The following SACS variants were observed in gnomAD, a reference collection of about 807,000 sequenced individuals.
SACS encodes the protein sacsin.
SACS carries 197 observed loss-of-function variants against 348.0 expected under a neutral mutation model. The ratio of observed to expected loss-of-function variants is 0.57; its 90% CI spans 0.50 to 0.64. SACS has a LOEUF of 0.64. SACS is among the 30% of genes least tolerant of loss of function. The pLI, the probability that SACS is intolerant of heterozygous loss-of-function variation, is 0.00. For missense variants in SACS, 4,999 were observed against 5,360.8 expected, an observed-to-expected ratio of 0.93 and a Z score of 2.11; for synonymous variants, 1,985 against 1,910.6, an observed-to-expected ratio of 1.04 and a Z score of -1.02.
At chr13:23,404,223 TG>T (rs1271370427) in intron 2 of SACS, among the ~76,000 whole-genome samples, 1 of 152,194 alleles carries the variant, frequency 6.6e-6, no homozygotes, top group Non-Finnish European at 1.5e-5. Context: ...TCTGTTGCTT[TG>T]GGGTGGAGAG....
At position 23,337,464 on chromosome 13, in the gene SACS, C is replaced by A; in HGVS notation, c.6412G>T (p.Asp2138Tyr). 6.2e-7 allele frequency: 1 copy of A among 1,613,508 alleles called. No homozygotes were observed. The highest frequency in any genetic ancestry group is 8.5e-7 in the Non-Finnish European group (1 of 1,179,786). Residue 2138 changes from aspartate to tyrosine, a missense_variant, in exon 10 of 10, where the codon GAT (aspartate) becomes TAT (tyrosine). Physicochemically the swap from Asp to Tyr is radical, Grantham distance 160 (BLOSUM62 -3). Transcript: ENST00000382292. ...DGRFPYGSTQ[D>Y]YLNPIILIKL... ...ATCAAAATAATAGGATTGAGATAAT[C>A]CTGAGTAGAACCATAAGGGAATCTC...
chr13:23,336,839 A>G lies in SACS; in HGVS notation c.7037T>C (p.Phe2346Ser). ...SIIDKLKPFSFILVENAYVDS... is the reference protein window; with the variant it reads ...SIIDKLKPFSSILVENAYVDS... ...AACATATGCATTCTCAACTAGAATG[A>G]AGCTAAAGGGTTTTAACTTATCAAT... Residue 2346 changes from phenylalanine to serine, a missense_variant, in exon 10 of 10, where the codon TTC becomes TCC. Phe to Ser is a radical substitution (Grantham distance 155). Around this residue, in one of 6 missense-constraint regions of SACS, gnomAD observed 3,156 missense variants for 3,380.1 expected, o/e 0.93. Transcript: ENST00000382292. 6.2e-7 allele frequency: 1 copy of G among 1,613,532 alleles called. No homozygotes were observed.
Position 23,338,184 on chromosome 13 carries a change from C to T in SACS, c.5692G>A (p.Glu1898Lys). 6.2e-7 allele frequency: 1 copy of T among 1,614,112 alleles called. No homozygotes were observed. Among genetic ancestry groups the T allele is most frequent in the Non-Finnish European group, 8.5e-7 (1 of 1,179,996 alleles). Residue 1898 changes from glutamate to lysine, a missense_variant, in exon 10 of 10, where the codon GAA becomes AAA. By Grantham distance (56) the Glu-to-Lys change is moderately conservative. Around this residue, in one of 6 missense-constraint regions of SACS, gnomAD observed 3,156 missense variants for 3,380.1 expected, o/e 0.93. Coordinates refer to ENST00000382292, the MANE Select transcript of SACS (RefSeq NM_014363.6). ...CCTTTTGTATCTGTTTTCCAGATTT[C>T]TTTCCTATTTGATGTAACAGCAAAG... ...GCFAVTSNRKEIWKTDTKGRW... is the reference protein window; with the variant it reads ...GCFAVTSNRKKIWKTDTKGRW...
intron 3 of SACS, among the ~76,000 whole-genome samples, chr13:23,371,723 C>T (rs917256833): frequency 2.7e-4 from 41 of 152,272 alleles, no homozygotes; most frequent in African/African-American, 8.2e-4. Flanking sequence ...TATATACAAA[C>T]ATAACACATA....
intron 2 of SACS, among the ~76,000 whole-genome samples, chr13:23,383,059 T>C (rs1399249627): frequency 6.6e-6 from 1 of 151,744 alleles, no homozygotes; most frequent in African/African-American, 2.4e-5. Flanking sequence ...AAAACTGTGA[T>C]GTGTATGTTT....
At chr13:23,433,325 C>T (rs150666478) in intron 1 of SACS, among the ~76,000 whole-genome samples, 1 of 152,254 alleles carries the variant, frequency 6.6e-6, no homozygotes, top group African/African-American at 2.4e-5. Context: ...ACCCTGCAGC[C>T]GCTCCTCACC....
chr13:23,368,345 T>A, intron 5 of SACS, 57 bp downstream of exon 5: 1 of 1,305,424 alleles, frequency 7.7e-7, no homozygotes, highest in Non-Finnish European at 1.1e-6. Context: ...TCAAGTAAAT[T>A]TACTTCATCT....
At chr13:23,384,907 A>G (rs1475946736) in intron 2 of SACS, among the ~76,000 whole-genome samples, 1 of 152,184 alleles carries the variant, frequency 6.6e-6, no homozygotes, top group Non-Finnish European at 1.5e-5. Context: ...TGCAGATAAA[A>G]GTTATGTTTA....
Position 23,341,246 on chromosome 13 carries a change from A to C in SACS, c.2630T>G (p.Leu877Trp). 3 of 1,614,066 alleles carry C rather than the reference A, an allele frequency of 1.9e-6. No individual in the cohort carries two copies. Among genetic ancestry groups the C allele is most frequent in the Non-Finnish European group, 2.5e-6 (3 of 1,179,940 alleles). Residue 877 changes from leucine to tryptophan, a missense_variant, in exon 10 of 10, where the codon TTG becomes TGG. Leu to Trp is a moderately conservative substitution (Grantham distance 61). Around this residue, in one of 6 missense-constraint regions of SACS, gnomAD observed 3,156 missense variants for 3,380.1 expected, o/e 0.93. Transcript: ENST00000382292. ...CAATGGCATCTTCTCCATTATCTGC[A>C]AAACAGCACTTGGTAATGGTGAATG... ...YIHSPLPSAV[L>W]QIMEKMPLQK...
chr13:23,370,971 G>A (rs1410818756), intron 4 of SACS, 107 bp downstream of exon 4: 17 of 606,480 alleles, frequency 2.8e-5, no homozygotes, highest in East Asian at 1.5e-4. Context: ...CAGCCTGGGC[G>A]ATAGGGCGAG....
Position 23,337,321 on chromosome 13 carries a change from ACTT to A in SACS, c.6552_6554del (p.Arg2184del). ...CATCGATAAGACTCAATAAGATACT[ACTT>A]CTTAGGCATGCAGCAACATGATCAC... On this transcript the variant is annotated inframe_deletion, in exon 10 of 10. Coordinates refer to ENST00000382292, the MANE Select transcript of SACS (RefSeq NM_014363.6). 1 of 1,613,938 alleles carries A rather than the reference ACTT, an allele frequency of 6.2e-7. No individual in the cohort carries two copies. Among genetic ancestry groups the A allele is most frequent in the Middle Eastern group, 1.6e-4 (1 of 6,062 alleles).
At position 23,336,676 on chromosome 13, in the gene SACS, A is replaced by G. The variant is rs148544893; in HGVS notation, c.7200T>C (p.Phe2400=). Residue 2400 remains phenylalanine, a synonymous_variant, in exon 10 of 10, where the codon TTT becomes TTC. Transcript: ENST00000382292. ...GATCAATAGATTCCAAAACAAGAGC[A>G]AAATCTTCAACAGTGCATGACTGCC... is the stretch of plus-strand genomic sequence containing the variant. ...GVRQSCTVED[F]ALVLESIDQE... The G allele has an allele frequency of 2.9e-4, 467 of 1,613,792 alleles. 1 individual carries two copies. Among genetic ancestry groups the G allele is most frequent in the Middle Eastern group, 8.2e-4 (5 of 6,084 alleles).
intron 1 of SACS, among the ~76,000 whole-genome samples, chr13:23,429,598 C>G (rs571974167): frequency 6.6e-6 from 1 of 151,774 alleles, no homozygotes; most frequent in African/African-American, 2.4e-5. Flanking sequence ...CTCCTGACCT[C>G]GTGATCTGCC....
At chr13:23,341,780 CTTTTTTTTTTT>C (rs4068499) in intron 9 of SACS, 90 bp from the exon 10 acceptor site, 257 of 299,010 alleles carry the variant, frequency 8.6e-4, no homozygotes, top group South Asian at 1.2e-3. Flanking sequence ...CTGGAAGGTT[CTTTTTTTTTTT>C]TTTTTTTTTT....
intron 1 of SACS, among the ~76,000 whole-genome samples, chr13:23,421,100 G>A (rs1337686678): frequency 6.6e-6 from 1 of 151,988 alleles, no homozygotes; most frequent in Non-Finnish European, 1.5e-5. Flanking sequence ...TCCACCTTGG[G>A]CCTGTTGTTC....
chr13:23,408,140 C>G lies in SACS; in HGVS notation c.20+3080G>C, dbSNP rs78323191. Among the ~76,000 whole-genome samples, 1,284 of 152,244 alleles carry G rather than the reference C, an allele frequency of 8.4e-3. 16 individuals carry two copies. Among genetic ancestry groups the G allele is most frequent in the African/African-American group, 0.03 (1,246 of 41,532 alleles). ...ATATGATTTTGAGCAAGTCATGTGA[C>G]TTCAGTTGTCACATTCATCAAATGA... On this transcript the variant is annotated intron_variant, in intron 2 of 9. Transcript: ENST00000382292.
At chr13:23,368,619 G>A in intron 4 of SACS, 132 bp from the exon 5 acceptor site, 1 of 677,326 alleles carries the variant, frequency 1.5e-6, no homozygotes, top group East Asian at 2.7e-5. Context: ...CAGCACCCTG[G>A]TACAGAAATC....
At chr13:23,393,588 T>A (rs551650331) in intron 2 of SACS, among the ~76,000 whole-genome samples, 1 of 152,248 alleles carries the variant, frequency 6.6e-6, no homozygotes, top group East Asian at 1.9e-4. Flanking sequence ...ACCACCTGAA[T>A]TTTTAGTACT....
intron 2 of SACS, among the ~76,000 whole-genome samples, chr13:23,409,179 C>A (rs1873377078): frequency 6.9e-6 from 1 of 145,300 alleles, no homozygotes; most frequent in African/African-American, 2.6e-5. Flanking sequence ...GCCTCAGCCT[C>A]CCTAGTAGCT....
Sources: gnomAD v4.1 joint callset for allele counts (sites outside exome capture counted in the v4.1 genomes callset) on GRCh38, gnomAD v4.1.1 for gene constraint, gnomAD v4.1.1 regional missense constraint, MANE v1.5 for transcripts, NCBI Gene and HGNC (gene_info 2026-07-23, HGNC 2026-07-21) for gene names.